MYT1L: variants seen among roughly 807,000 people sequenced by gnomAD.
MYT1L encodes myelin transcription factor 1 like.
Under a neutral mutation model 126.7 loss-of-function variants are expected in MYT1L, and 12 were observed. The ratio of observed to expected loss-of-function variants is 0.09; its 90% confidence interval spans 0.06 to 0.15. MYT1L has a LOEUF of 0.15. MYT1L is among the 10% of genes least tolerant of loss of function. The pLI, the probability that MYT1L is intolerant of heterozygous loss-of-function variation, is 1.00. For synonymous variants in MYT1L, 541 were observed against 604.2 expected, an observed-to-expected ratio of 0.90 and a Z score of 1.53; for missense variants, 979 against 1,585.2, an observed-to-expected ratio of 0.62 and a Z score of 6.49.
chr2:1,930,109 C>T (rs1573670892), intron 9 of MYT1L, among the ~76,000 whole-genome samples: 1 of 152,210 alleles, frequency 6.6e-6, no homozygotes, highest in South Asian at 2.1e-4. Context: ...AGAACCCTTC[C>T]TCAGACCCCT....
At position 2,246,518 on chromosome 2, in the gene MYT1L, G is replaced by A. The variant is rs185060460; in HGVS notation, c.-421+37886C>T. On this transcript the variant is annotated intron_variant, in intron 2 of 24. Coordinates refer to ENST00000647738, the MANE Select transcript of MYT1L (RefSeq NM_001303052.2). ...AGAAAGCTCATCAGCATGAGACAGGGGTCCCTGTACCTGTGAGGGGGCCTT... is the reference window on the plus strand; with the variant it reads ...AGAAAGCTCATCAGCATGAGACAGGAGTCCCTGTACCTGTGAGGGGGCCTT... Among the ~76,000 whole-genome samples the A allele has an allele frequency of 2.9e-3, 436 of 152,256 alleles. 4 individuals carry two copies. Among genetic ancestry groups the A allele is most frequent in the African/African-American group, 0.01 (428 of 41,534 alleles).
At chr2:2,283,953 G>A (rs549840110) in intron 2 of MYT1L, among the ~76,000 whole-genome samples, 50 of 152,286 alleles carry the variant, frequency 3.3e-4, no homozygotes, top group African/African-American at 1.2e-3. Context: ...CTTCAAGAGA[G>A]CCAGCCATGT....
intron 2 of MYT1L, among the ~76,000 whole-genome samples, chr2:2,186,120 C>T (rs1292572188): frequency 7.5e-6 from 1 of 133,760 alleles, no homozygotes. Flanking sequence ...TCCGGAGTCC[C>T]GCGTTCCTTC....
At chr2:2,281,588 C>G (rs761887763) in intron 2 of MYT1L, among the ~76,000 whole-genome samples, 3 of 152,078 alleles carry the variant, frequency 2.0e-5, no homozygotes, top group Admixed American at 1.3e-4. Context: ...ATTAATGATC[C>G]AATTACCTTG....
chr2:2,100,186 GT>G (rs528749195), intron 3 of MYT1L, among the ~76,000 whole-genome samples: 4 of 151,880 alleles, frequency 2.6e-5, no homozygotes, highest in South Asian at 2.1e-4. Context: ...TTGAGCCAGG[GT>G]TTTTTTTAAA....
At chr2:2,094,769 C>T in intron 3 of MYT1L, among the ~76,000 whole-genome samples, 1 of 76,904 alleles carries the variant, frequency 1.3e-5, no homozygotes, top group Non-Finnish European at 2.6e-5. Flanking sequence ...CCGGGGCCTG[C>T]TGTGGGGTGG....
intron 3 of MYT1L, among the ~76,000 whole-genome samples, chr2:2,103,472 G>A (rs755481781): frequency 1.1e-4 from 16 of 152,230 alleles, no homozygotes; most frequent in African/African-American, 3.6e-4. Context: ...GCATGTCTGC[G>A]GGGCAGAATG....
chr2:1,916,410 G>A (rs984513234), intron 11 of MYT1L, among the ~76,000 whole-genome samples: 3 of 152,112 alleles, frequency 2.0e-5, no homozygotes, highest in Non-Finnish European at 2.9e-5. Flanking sequence ...TTCCCATGCC[G>A]TAGACTCAAA....
chr2:2,268,919 T>C (rs1212447052), intron 2 of MYT1L, among the ~76,000 whole-genome samples: 2 of 152,088 alleles, frequency 1.3e-5, no homozygotes, highest in African/African-American at 4.8e-5. Flanking sequence ...ACAAGGCAAA[T>C]AGAAATGCCA....
intron 2 of MYT1L, among the ~76,000 whole-genome samples, chr2:2,206,386 A>G (rs978509818): frequency 1.3e-5 from 2 of 152,118 alleles, no homozygotes; most frequent in Non-Finnish European, 2.9e-5. Context: ...AAACCAGCCC[A>G]CTTGGAAATC....
At chr2:2,114,190 T>C (rs2079895156) in intron 3 of MYT1L, among the ~76,000 whole-genome samples, 1 of 152,250 alleles carries the variant, frequency 6.6e-6, no homozygotes, top group South Asian at 2.1e-4. Context: ...CAAATGATCA[T>C]CTGACCTTCA....
intron 8 of MYT1L, among the ~76,000 whole-genome samples, chr2:1,955,779 C>G (rs1216651788): frequency 6.6e-6 from 1 of 152,162 alleles, no homozygotes; most frequent in Non-Finnish European, 1.5e-5. Flanking sequence ...TCCTGGGATG[C>G]CTATATGGTG....
chr2:2,055,171 C>A (rs1464544401), intron 3 of MYT1L, among the ~76,000 whole-genome samples: 1 of 151,760 alleles, frequency 6.6e-6, no homozygotes, highest in African/African-American at 2.4e-5. Flanking sequence ...ATGATTGAGT[C>A]TACAAAGTAT....
rs1481556710 is a variant in MYT1L, at chr2:1,793,968, ACAGCTGGTGG to A, written c.3277-1514_3277-1505del. On this transcript the variant is annotated intron_variant, in intron 23 of 24. Coordinates refer to ENST00000647738, the MANE Select transcript of MYT1L (RefSeq NM_001303052.2). The surrounding 1 kb of genome is among the most constrained non-coding windows in gnomAD (Gnocchi z 4.6). ...CCTGGGTGGCCACGTGCCTGCACTC[ACAGCTGGTGG>A]CAGCTGTGGCTGGGACCTTACTAGA... is the stretch of plus-strand genomic sequence containing the variant. Among the ~76,000 whole-genome samples the A allele has an allele frequency of 6.6e-6, 1 of 152,066 alleles. No homozygotes were observed. Among genetic ancestry groups the A allele is most frequent in the African/African-American group, 2.4e-5 (1 of 41,396 alleles).
chr2:1,846,721 C>T (rs1420125494), intron 19 of MYT1L, among the ~76,000 whole-genome samples: 6 of 152,182 alleles, frequency 3.9e-5, no homozygotes, highest in South Asian at 2.1e-4. Context: ...GACCCTCTGG[C>T]GAAACAGCTC....
At chr2:2,251,954 G>A (rs1339982443) in intron 2 of MYT1L, among the ~76,000 whole-genome samples, 1 of 151,834 alleles carries the variant, frequency 6.6e-6, no homozygotes, top group African/African-American at 2.4e-5. Flanking sequence ...AAAAGGGAAC[G>A]GCAAGGCAAG....
At chr2:1,817,622 G>A (rs2037874453) in intron 21 of MYT1L, among the ~76,000 whole-genome samples, 1 of 152,174 alleles carries the variant, frequency 6.6e-6, no homozygotes, top group Non-Finnish European at 1.5e-5. Context: ...GTCCAATTTG[G>A]AAGAGAACCC....
chr2:2,253,462 GATA>G (rs1026976463), intron 2 of MYT1L, among the ~76,000 whole-genome samples: 4 of 152,238 alleles, frequency 2.6e-5, no homozygotes, highest in African/African-American at 9.6e-5. Flanking sequence ...GTCACTGACT[GATA>G]ATGTCTTCAC....
At chr2:2,273,594 C>T (rs2095306452) in intron 2 of MYT1L, among the ~76,000 whole-genome samples, 1 of 152,176 alleles carries the variant, frequency 6.6e-6, no homozygotes, top group African/African-American at 2.4e-5. Flanking sequence ...GCAGTCAGGG[C>T]CTGTAGGCAG....
Sources: allele counts gnomAD v4.1 joint callset (sites outside exome capture counted in the v4.1 genomes callset), GRCh38; gene constraint gnomAD v4.1.1; non-coding constraint Gnocchi (gnomAD v3.1); transcripts MANE v1.5; gene names NCBI Gene and HGNC (gene_info 2026-07-23, HGNC 2026-07-21).